Variants in USP10 observed in about 807,000 individuals in gnomAD.
USP10 encodes ubiquitin carboxyl-terminal hydrolase 10.
A neutral mutation model predicts 84.5 loss-of-function variants in USP10; 22 were observed. That is an observed-to-expected ratio of 0.26 (90% CI 0.19 to 0.37). The LOEUF is 0.37. USP10 is among the 10% of genes least tolerant of loss of function. The pLI is 1.00. For missense variants in USP10, 1,019 were observed against 998.9 expected (o/e 1.02, Z -0.27); for synonymous variants, 454 against 387.6 (o/e 1.17, Z -2.01).
intron 3 of USP10, among the ~76,000 whole-genome samples, chr16:84,740,903 A>G (rs1253852055): frequency 6.6e-6 from 1 of 152,230 alleles, no homozygotes; most frequent in Admixed American, 6.5e-5. Flanking sequence ...ATTGCCAGAG[A>G]TGGTGCTTAT....
At chr16:84,702,828 A>T (rs1905060298) in intron 1 of USP10, among the ~76,000 whole-genome samples, 1 of 151,938 alleles carries the variant, frequency 6.6e-6, no homozygotes, top group Non-Finnish European at 1.5e-5. Flanking sequence ...CCCTGTCTCT[A>T]CTAAAAATAC....
At position 84,705,886 on chromosome 16, in the gene USP10, A is replaced by T. The variant is rs920854466; in HGVS notation, c.21+5775A>T. Among the ~76,000 whole-genome samples, 9 of 151,028 alleles carry T rather than the reference A, an allele frequency of 6.0e-5. 1 individual carries two copies. The highest frequency in any genetic ancestry group is 2.2e-4 in the African/African-American group (9 of 41,046). On this transcript the variant is annotated intron_variant, in intron 1 of 13. Coordinates refer to ENST00000219473, the MANE Select transcript of USP10 (RefSeq NM_005153.3). ...AGGTGCCTGCTACCACGCCCAGCTA[A>T]TTTTTTTGTATTTTTAGTAGAAACG...
rs1567636425 is a variant in USP10, at chr16:84,757,399, GGGGGTGT to G, written c.1193-1315_1193-1309del. ...ATAGGAAGGAGGGAATGAGAGGGGT[GGGGGTGT>G]GTGTGTGTGTGTGTGTGTGTGTGTG... On this transcript the variant is annotated intron_variant, in intron 4 of 13. Transcript: ENST00000219473. 4.6e-3 allele frequency among the ~76,000 whole-genome samples: 326 copies of G among 70,522 alleles called. 1 individual carries two copies. The highest frequency in any genetic ancestry group is 7.4e-3 in the Non-Finnish European group (216 of 29,080). The allele number at this position is 70,522 out of a possible 152,430, so 46.3% of individuals were successfully genotyped here.
chr16:84,706,456 G>A (rs895218829), intron 1 of USP10, among the ~76,000 whole-genome samples: 20 of 149,494 alleles, frequency 1.3e-4, no homozygotes, highest in African/African-American at 4.9e-4. Flanking sequence ...CCCTTACGTG[G>A]CTGCAAAGAC....
chr16:84,775,949 C>T (rs1013206737), intron 13 of USP10, among the ~76,000 whole-genome samples: 10 of 152,014 alleles, frequency 6.6e-5, no homozygotes, highest in African/African-American at 2.4e-4. Flanking sequence ...CTTTTGTTTG[C>T]TTCCCAGGCT....
intron 1 of USP10, chr16:84,704,604 A>G (rs1905247122): frequency 7.8e-6 from 9 of 1,154,692 alleles, no homozygotes; most frequent in Middle Eastern, 5.7e-4. Context: ...GTGTAGGAAA[A>G]TAAAGGTAGC....
chr16:84,750,299 T>C (rs1911767362), intron 4 of USP10, among the ~76,000 whole-genome samples: 1 of 150,992 alleles, frequency 6.6e-6, no homozygotes, highest in South Asian at 2.1e-4. Context: ...TCCTAGCTAC[T>C]GAGGAGGCTG....
Position 84,768,333 on chromosome 16 carries a change from G to T in USP10, c.1973G>T (p.Gly658Val). 1.2e-6 allele frequency: 2 copies of T among 1,607,272 alleles called. No homozygotes were observed. Among genetic ancestry groups the T allele is most frequent in the Non-Finnish European group, 1.7e-6 (2 of 1,176,340 alleles). ...TTGGTGGCAAGAGAATCTGTCCAAG[G>T]TTATACCACAAAAACCAAACAAGAG... Reference protein sequence around the residue: ...ESLVARESVQGYTTKTKQEVE... With the variant: ...ESLVARESVQVYTTKTKQEVE... Residue 658 changes from glycine to valine, a missense_variant, in exon 11 of 14, where the codon GGT becomes GTT. Gly to Val is a moderately radical substitution (Grantham distance 109). Coordinates refer to ENST00000219473, the MANE Select transcript of USP10 (RefSeq NM_005153.3).
intron 4 of USP10, among the ~76,000 whole-genome samples, chr16:84,751,031 T>G (rs998759363): frequency 6.6e-6 from 1 of 152,256 alleles, no homozygotes; most frequent in Non-Finnish European, 1.5e-5. Context: ...CATACAGTTA[T>G]GTGCTGCTTT....
intron 8 of USP10, among the ~76,000 whole-genome samples, chr16:84,760,599 A>G (rs368766973): frequency 2.2e-4 from 34 of 152,314 alleles, no homozygotes; most frequent in African/African-American, 7.9e-4. Context: ...CCACTGCACT[A>G]TATGCCACTG....
At chr16:84,748,025 GC>G (rs1410075663) in intron 4 of USP10, among the ~76,000 whole-genome samples, 2 of 151,394 alleles carry the variant, frequency 1.3e-5, no homozygotes, top group African/African-American at 4.9e-5. Context: ...GTGGTGGCGG[GC>G]GCCTGTAGTC....
chr16:84,712,153 C>T (rs753310040), intron 1 of USP10, among the ~76,000 whole-genome samples: 22 of 152,158 alleles, frequency 1.4e-4, no homozygotes, highest in Non-Finnish European at 2.5e-4. Flanking sequence ...GGAAAGAAAT[C>T]GCAGTATTTT....
chr16:84,715,789 G>T (rs1906938605), intron 1 of USP10, among the ~76,000 whole-genome samples: 1 of 152,250 alleles, frequency 6.6e-6, no homozygotes. Context: ...ACAGTTTTGA[G>T]GACGTGGCTT....
chr16:84,765,616 C>T (rs1913766474), intron 10 of USP10, among the ~76,000 whole-genome samples: 1 of 152,020 alleles, frequency 6.6e-6, no homozygotes, highest in Non-Finnish European at 1.5e-5. Flanking sequence ...TTTATTACAG[C>T]TGAATAGTGT....
At chr16:84,732,429 T>TGAC (rs1462658142) in intron 1 of USP10, 1 of 402,980 alleles carries the variant, frequency 2.5e-6, no homozygotes, top group South Asian at 1.8e-5. Context: ...TTCTTCTCAA[T>TGAC]GACTTCTTCT....
At chr16:84,730,435 A>G (rs1909061313) in intron 1 of USP10, among the ~76,000 whole-genome samples, 1 of 152,236 alleles carries the variant, frequency 6.6e-6, no homozygotes, top group African/African-American at 2.4e-5. Flanking sequence ...ACATGAAGTT[A>G]TAATAAAAAC....
At chr16:84,704,201 A>G (rs1264550060) in intron 1 of USP10, among the ~76,000 whole-genome samples, 1 of 151,730 alleles carries the variant, frequency 6.6e-6, no homozygotes, top group Admixed American at 6.6e-5. Context: ...AATTTCAGAC[A>G]TGTAGGTACT....
chr16:84,712,286 AGACAT>A (rs1906411749), intron 1 of USP10, among the ~76,000 whole-genome samples: 1 of 152,182 alleles, frequency 6.6e-6, no homozygotes, highest in African/African-American at 2.4e-5. Context: ...AGCGGAAGGA[AGACAT>A]GGCTCTGCCT....
At chr16:84,751,410 T>C (rs1191176174) in intron 4 of USP10, among the ~76,000 whole-genome samples, 1 of 152,244 alleles carries the variant, frequency 6.6e-6, no homozygotes, top group Non-Finnish European at 1.5e-5. Flanking sequence ...TCAGATATTT[T>C]GCACTTCCTC....
Sources: allele counts gnomAD v4.1 joint callset (sites outside exome capture counted in the v4.1 genomes callset), GRCh38; gene constraint gnomAD v4.1.1; transcripts MANE v1.5; gene names NCBI Gene and HGNC (gene_info 2026-07-23, HGNC 2026-07-21).